Variants in MCPH1 observed in about 807,000 individuals in gnomAD.
MCPH1 encodes microcephalin.
A neutral mutation model predicts 84.5 loss-of-function variants in MCPH1; 104 were observed. The observed-to-expected ratio is 1.23, with a 90% CI of 1.05 to 1.45. The LOEUF is 1.45. MCPH1 is among the 40% of genes most tolerant of loss of function. The pLI is 0.00. For missense variants in MCPH1, 1,498 were observed against 1,005.7 expected, an observed-to-expected ratio of 1.49 and a Z score of -6.62; for synonymous variants, 514 against 366.8, an observed-to-expected ratio of 1.40 and a Z score of -4.58.
intron 2 of MCPH1, among the ~76,000 whole-genome samples, chr8:6,409,742 C>G (rs1347131237): frequency 6.6e-6 from 1 of 152,028 alleles, no homozygotes; most frequent in Non-Finnish European, 1.5e-5. Context: ...AAGTCTGGAG[C>G]TTGGAGTGTT....
At chr8:6,610,200 A>C (rs1471389784) in intron 12 of MCPH1, among the ~76,000 whole-genome samples, 1 of 152,150 alleles carries the variant, frequency 6.6e-6, no homozygotes, top group African/African-American at 2.4e-5. Context: ...ATAGATGCAG[A>C]TGTGTGGGGC....
chr8:6,473,904 C>G (rs1808091930), intron 9 of MCPH1: 5 of 1,542,230 alleles, frequency 3.2e-6, no homozygotes, highest in South Asian at 2.5e-5. Context: ...ACATTATTTT[C>G]TAGCTCTTCT....
At chr8:6,617,816 A>G (rs1469661940) in intron 12 of MCPH1, among the ~76,000 whole-genome samples, 1 of 152,118 alleles carries the variant, frequency 6.6e-6, no homozygotes, top group East Asian at 1.9e-4. Context: ...AGCGGAAACT[A>G]TAGGCATGTG....
At chr8:6,419,604 G>C (rs541247804) in intron 3 of MCPH1, among the ~76,000 whole-genome samples, 3 of 148,718 alleles carry the variant, frequency 2.0e-5, no homozygotes, top group Non-Finnish European at 3.0e-5. Flanking sequence ...GGATTTTACC[G>C]TGTTAGCCAG....
At chr8:6,418,213 C>T (rs185974801) in intron 3 of MCPH1, among the ~76,000 whole-genome samples, 55 of 152,134 alleles carry the variant, frequency 3.6e-4, no homozygotes, top group African/African-American at 1.2e-3. Context: ...GAAAGGAGGC[C>T]GGAGCTTCTG....
intron 12 of MCPH1, chr8:6,514,855 A>C (rs764745677): frequency 2.3e-6 from 3 of 1,278,840 alleles, no homozygotes; most frequent in Non-Finnish European, 3.4e-6. Context: ...GGAGGAATGT[A>C]GACCCTGAGT....
At chr8:6,597,623 G>T (rs536776521) in intron 12 of MCPH1, among the ~76,000 whole-genome samples, 2 of 152,124 alleles carry the variant, frequency 1.3e-5, no homozygotes, top group African/African-American at 2.4e-5. Flanking sequence ...ACGACAACCC[G>T]GAACACGGAG....
intron 13 of MCPH1, among the ~76,000 whole-genome samples, chr8:6,628,796 TAAAAG>T (rs1472575567): frequency 6.6e-5 from 10 of 152,184 alleles, no homozygotes. Context: ...TTAATGGACA[TAAAAG>T]AAACTTCAAA....
At chr8:6,509,466 G>A (rs1031676862) in intron 12 of MCPH1, among the ~76,000 whole-genome samples, 6 of 152,180 alleles carry the variant, frequency 3.9e-5, no homozygotes, top group Non-Finnish European at 8.8e-5. Flanking sequence ...TTTTCCGCAG[G>A]GGGCCCCGGG....
At chr8:6,616,167 AC>A (rs1395801749) in intron 12 of MCPH1, 3 of 152,224 alleles carry the variant, frequency 2.0e-5, no homozygotes, top group Non-Finnish European at 4.4e-5. Context: ...AATGAGAACT[AC>A]AGCCCTGTAA....
intron 3 of MCPH1, among the ~76,000 whole-genome samples, chr8:6,431,240 G>C (rs910825907): frequency 1.3e-5 from 2 of 152,090 alleles, no homozygotes; most frequent in Admixed American, 1.3e-4. Context: ...TATGCTACAA[G>C]TCAAAAATTG....
rs1342178046 is a variant in MCPH1 at position 6,644,834 on chromosome 8, G to T, written c.*1785G>T. The T allele has an allele frequency of 6.6e-6, 1 of 152,192 alleles. No individual in the cohort carries two copies. The highest frequency in any genetic ancestry group is 2.1e-4 in the South Asian group (1 of 4,822). The allele number at this position is 152,192 out of a possible 1,614,324, so 9.4% of individuals were successfully genotyped here. A position where few individuals can be genotyped will look rare whatever the true frequency, so the allele number is the denominator to read the frequency against. On this transcript the variant is annotated 3_prime_UTR_variant, in exon 14 of 14. Coordinates refer to ENST00000344683, the MANE Select transcript of MCPH1 (RefSeq NM_024596.5). Reference sequence around the variant, plus strand: ...CTTCTAGAATGAACCTTTGAGAAGGGAGGTAGCAGTGCATTGTATAGGAAT... The same window carrying T: ...CTTCTAGAATGAACCTTTGAGAAGGTAGGTAGCAGTGCATTGTATAGGAAT...
intron 12 of MCPH1, among the ~76,000 whole-genome samples, chr8:6,507,403 T>C (rs777535395): frequency 2.0e-5 from 3 of 152,232 alleles, no homozygotes; most frequent in African/African-American, 7.2e-5. Context: ...ACATTCATTT[T>C]GCACTATTGG....
chr8:6,513,560 C>G (rs1476406459), intron 12 of MCPH1: 1 of 673,326 alleles, frequency 1.5e-6, no homozygotes. Context: ...GTCTCAATCT[C>G]CTGACCTCGT....
At chr8:6,554,636 G>A (rs542696982) in intron 12 of MCPH1, among the ~76,000 whole-genome samples, 13 of 152,256 alleles carry the variant, frequency 8.5e-5, no homozygotes, top group African/African-American at 3.1e-4. Flanking sequence ...TTTTGTGGTG[G>A]TAAGTTGTCA....
intron 12 of MCPH1, among the ~76,000 whole-genome samples, chr8:6,518,026 A>C (rs893774144): frequency 6.6e-6 from 1 of 152,226 alleles, no homozygotes; most frequent in African/African-American, 2.4e-5. Context: ...AGGCTCATAT[A>C]ATCCCAGAGT....
intron 12 of MCPH1, among the ~76,000 whole-genome samples, chr8:6,584,256 C>T (rs952779392): frequency 6.6e-6 from 1 of 152,192 alleles, no homozygotes; most frequent in Non-Finnish European, 1.5e-5. Flanking sequence ...GTAAGTTCAT[C>T]TGGTGCAGCT....
At chr8:6,465,224 A>C (rs542588051) in intron 9 of MCPH1, among the ~76,000 whole-genome samples, 19 of 152,348 alleles carry the variant, frequency 1.2e-4, no homozygotes, top group African/African-American at 4.6e-4. Context: ...AGCTTGCTGA[A>C]GTAGCAAACT....
chr8:6,495,420 A>G (rs1404076041), intron 11 of MCPH1, among the ~76,000 whole-genome samples: 1 of 152,216 alleles, frequency 6.6e-6, no homozygotes, highest in African/African-American at 2.4e-5. Context: ...TACACTGTCT[A>G]GTTGGGGAAG....
Sources: allele counts gnomAD v4.1 joint callset (sites outside exome capture counted in the v4.1 genomes callset), GRCh38; gene constraint gnomAD v4.1.1; transcripts MANE v1.5; gene names NCBI Gene and HGNC (gene_info 2026-07-23, HGNC 2026-07-21).